TTC23: variants seen among roughly 807,000 people sequenced by gnomAD.
The protein encoded by TTC23 is tetratricopeptide repeat domain 23, also known as tetratricopeptide repeat protein 23.
TTC23 carries 58 observed loss-of-function variants against 55.1 expected under a neutral mutation model. The observed-to-expected ratio is 1.05, with a 90% CI of 0.85 to 1.31. The LOEUF (loss-of-function observed/expected upper bound fraction) is 1.31, where lower values mean the gene tolerates loss of function less well. TTC23 is among the 50% of genes most tolerant of loss of function. The pLI is 0.00. For synonymous variants in TTC23, 203 were observed against 199.9 expected (o/e 1.02, Z -0.13); for missense variants, 516 against 534.4 (o/e 0.97, Z 0.34).
At chr15:99,157,400 C>G (rs1011823517) in intron 11 of TTC23, 8 of 151,920 alleles carry the variant, frequency 5.3e-5, no homozygotes, top group African/African-American at 1.9e-4. Context: ...TTAGTAGAGA[C>G]AGGGTTTCAC....
intron 12 of TTC23, among the ~76,000 whole-genome samples, chr15:99,142,832 G>A (rs782124143): frequency 2.6e-5 from 4 of 152,214 alleles, no homozygotes; most frequent in Non-Finnish European, 4.4e-5. Context: ...TTTCACTACT[G>A]TGTTCGTAGA....
At chr15:99,179,562 A>G (rs1412866743) in intron 9 of TTC23, among the ~76,000 whole-genome samples, 1 of 152,266 alleles carries the variant, frequency 6.6e-6, no homozygotes, top group Non-Finnish European at 1.5e-5. Flanking sequence ...ATATGTTAAC[A>G]TGGTTGTATT....
intron 8 of TTC23, among the ~76,000 whole-genome samples, chr15:99,200,775 A>G (rs898906037): frequency 2.6e-5 from 4 of 152,202 alleles, no homozygotes; most frequent in South Asian, 2.1e-4. Context: ...TATATAGAAC[A>G]TTTACCTTAG....
chr15:99,230,744 C>G (rs753711414), intron 4 of TTC23, among the ~76,000 whole-genome samples: 1 of 152,106 alleles, frequency 6.6e-6, no homozygotes, highest in Non-Finnish European at 1.5e-5. Context: ...AAGTTGTCAA[C>G]CTTAAATTCC....
chr15:99,243,766 A>T, intron 2 of TTC23, among the ~76,000 whole-genome samples: 1 of 152,212 alleles, frequency 6.6e-6, no homozygotes, highest in East Asian at 1.9e-4. Flanking sequence ...AGAGCTAAAA[A>T]TTAAAACAAC....
intron 8 of TTC23, among the ~76,000 whole-genome samples, chr15:99,207,227 T>C (rs1352471119): frequency 6.6e-6 from 1 of 152,030 alleles, no homozygotes; most frequent in East Asian, 1.9e-4. Context: ...AAATAAAAAC[T>C]CTTGTGCATC....
intron 8 of TTC23, among the ~76,000 whole-genome samples, chr15:99,209,397 A>C (rs2076865378): frequency 6.6e-6 from 1 of 152,216 alleles, no homozygotes; most frequent in African/African-American, 2.4e-5. Flanking sequence ...CACCTGATAC[A>C]TACAGGTAAA....
intron 12 of TTC23, among the ~76,000 whole-genome samples, chr15:99,154,646 C>G (rs1272962946): frequency 6.6e-6 from 1 of 152,106 alleles, no homozygotes; most frequent in Non-Finnish European, 1.5e-5. Flanking sequence ...TACCTAATCT[C>G]CGGTAGTGTG....
chr15:99,198,529 T>C (rs142640067), intron 9 of TTC23, among the ~76,000 whole-genome samples: 85 of 152,362 alleles, frequency 5.6e-4, no homozygotes, highest in African/African-American at 2.0e-3. Flanking sequence ...TCTAGTTCTA[T>C]GGTTGGCACA....
intron 10 of TTC23, among the ~76,000 whole-genome samples, chr15:99,167,554 GCT>G (rs754021562): frequency 3.3e-5 from 5 of 152,172 alleles, no homozygotes; most frequent in Non-Finnish European, 5.9e-5. Flanking sequence ...TCTCCAGACG[GCT>G]CTGTTTGAGG....
At chr15:99,201,578 G>A (rs1347294207) in intron 8 of TTC23, among the ~76,000 whole-genome samples, 3 of 152,134 alleles carry the variant, frequency 2.0e-5, no homozygotes, top group Middle Eastern at 3.2e-3. Context: ...CGGATCTGTG[G>A]TCCAGATGGC....
chr15:99,203,983 T>C lies in TTC23; in HGVS notation c.582-3887A>G, dbSNP rs542282516. ...AGTGCAGATATTTCTTTTGATATAC[T>C]GATTTCCTTTTTGGGGGGTATATAC... On this transcript the variant is annotated intron_variant, in intron 8 of 13. Transcript: ENST00000394132. Among the ~76,000 whole-genome samples the C allele has an allele frequency of 5.3e-5, 8 of 152,322 alleles. 1 individual carries two copies. The South Asian group carries it at 1.5e-3, about 28-fold the overall frequency.
intron 9 of TTC23, among the ~76,000 whole-genome samples, chr15:99,192,531 A>G (rs957020924): frequency 6.6e-6 from 1 of 152,188 alleles, no homozygotes. Context: ...CATGGTGTTG[A>G]GCCTGTGAAT....
At chr15:99,201,563 C>A (rs1449989315) in intron 8 of TTC23, among the ~76,000 whole-genome samples, 1 of 152,168 alleles carries the variant, frequency 6.6e-6, no homozygotes, top group Non-Finnish European at 1.5e-5. Flanking sequence ...AGTAAAGATA[C>A]TTTTCGGATC....
At chr15:99,213,029 G>A (rs2077173088) in intron 8 of TTC23, among the ~76,000 whole-genome samples, 2 of 146,778 alleles carry the variant, frequency 1.4e-5, no homozygotes, top group South Asian at 4.4e-4. Context: ...AATCCAATGA[G>A]CGCTGCCTGA....
At chr15:99,214,722 C>A (rs1357648891) in intron 8 of TTC23, among the ~76,000 whole-genome samples, 6 of 151,962 alleles carry the variant, frequency 3.9e-5, no homozygotes, top group Non-Finnish European at 2.9e-5. Context: ...AGCCACCACA[C>A]CCAGCCATAT....
At chr15:99,218,852 A>G (rs1201533038) in intron 7 of TTC23, 46 bp downstream of exon 7, 9 of 1,600,766 alleles carry the variant, frequency 5.6e-6, no homozygotes, top group Non-Finnish European at 6.8e-6. Flanking sequence ...TGTAAGTGTT[A>G]CGTGAATAGT....
intron 9 of TTC23, among the ~76,000 whole-genome samples, chr15:99,179,890 G>A (rs939881255): frequency 3.9e-5 from 6 of 152,220 alleles, no homozygotes; most frequent in African/African-American, 9.6e-5. Flanking sequence ...TGCAAAGGAC[G>A]TTGACAATGC....
chr15:99,199,019 G>T (rs1254253405), intron 9 of TTC23, among the ~76,000 whole-genome samples: 1 of 152,192 alleles, frequency 6.6e-6, no homozygotes, highest in African/African-American at 2.4e-5. Flanking sequence ...GGGCCAGGTT[G>T]TCTGGTCAAA....
Sources: gnomAD v4.1 joint callset for allele counts (sites outside exome capture counted in the v4.1 genomes callset) on GRCh38, gnomAD v4.1.1 for gene constraint, MANE v1.5 for transcripts, NCBI Gene and HGNC (gene_info 2026-07-23, HGNC 2026-07-21) for gene names.